Variants in EOMES observed in about 807,000 individuals in gnomAD.
EOMES encodes the protein eomesodermin homolog.
Under a neutral mutation model 61.0 loss-of-function variants are expected in EOMES, and 18 were observed. The observed-to-expected ratio is 0.30, with a 90% CI of 0.20 to 0.44. The LOEUF (loss-of-function observed/expected upper bound fraction) is 0.44, where lower values mean the gene tolerates loss of function less well. EOMES is among the 20% of genes least tolerant of loss of function. EOMES has a pLI of 1.00. For synonymous variants in EOMES, 430 were observed against 394.0 expected (o/e 1.09, Z -1.08); for missense variants, 885 against 939.2 (o/e 0.94, Z 0.75).
At position 27,720,382 on chromosome 3, in the gene EOMES, G is replaced by T. The variant is rs1008205954; in HGVS notation, c.882-57C>A. The T allele has an allele frequency of 7.3e-6, 11 of 1,510,694 alleles. No individual in the cohort carries two copies. The African/African-American group carries it at 1.5e-4, about 21-fold the overall frequency. 93.6% of individuals were successfully genotyped at this position (1,510,694 alleles called of 1,614,324 possible). On this transcript the variant is annotated intron_variant, in intron 1 of 5. Coordinates refer to ENST00000449599, the MANE Select transcript of EOMES (RefSeq NM_001278182.2). The stretch of plus-strand genomic sequence containing the variant: ...TTTTAATTGGGATGTCCTAGAACAG[G>T]CCCAGGCCCCAGCGGGTTCCCCAGA...
upstream of EOMES, chr3:27,722,688 A>G (rs1192674847): frequency 9.9e-7 from 1 of 1,012,316 alleles, no homozygotes; most frequent in African/African-American, 1.7e-5. Context: ...TTGCCAAAGC[A>G]TCGGTCAAGT....
intron 4 of EOMES, 42 bp from the exon 5 acceptor site, chr3:27,718,690 C>G (rs202235986): frequency 6.2e-7 from 1 of 1,612,960 alleles, no homozygotes; most frequent in Admixed American, 1.7e-5. Flanking sequence ...ATTTATCATG[C>G]TGGACCTTAG....
chr3:27,722,133 C>T lies in EOMES; in HGVS notation c.162G>A (p.Lys54=). 3.2e-6 allele frequency: 5 copies of T among 1,558,274 alleles called. No homozygotes were observed. The South Asian group carries it at 5.9e-5, about 18-fold the overall frequency. Reference sequence around the variant, plus strand: ...CCTCGCAGGAGAGACTGCCGGAAAACTTCTTGGACGCTTTGTCTAAGTCCA... The same window carrying T: ...CCTCGCAGGAGAGACTGCCGGAAAATTTCTTGGACGCTTTGTCTAAGTCCA... ...QKLDLDKASK[K]FSGSLSCEAV... The change falls in exon 1 of 6, where the codon AAG becomes AAA. Residue 54 remains lysine (K), a synonymous_variant. Transcript: ENST00000449599.
chr3:27,720,399 T>C (rs2060602388), intron 1 of EOMES, 74 bp from the exon 2 acceptor site: 1 of 1,278,902 alleles, frequency 7.8e-7, no homozygotes, highest in Non-Finnish European at 1.1e-6. Flanking sequence ...CCCCAGCGGG[T>C]TCCCCAGACA....
Position 27,718,850 on chromosome 3 carries a change from T to A in EOMES, c.1202A>T (p.His401Leu). 6.2e-7 allele frequency: 1 copy of A among 1,614,068 alleles called. No individual in the cohort carries two copies. Among genetic ancestry groups the A allele is most frequent in the African/African-American group, 1.3e-5 (1 of 75,046 alleles). The change falls in exon 4 of 6, where the codon CAT (histidine) becomes CTT (leucine). Residue 401 changes from histidine (H) to leucine (L), a missense_variant. Around this residue, in one of 3 missense-constraint regions of EOMES, gnomAD observed 177 missense variants for 273.3 expected, o/e 0.65. Coordinates refer to ENST00000449599, the MANE Select transcript of EOMES (RefSeq NM_001278182.2). ...QSLHKYQPRL[H>L]IVEVTEDGVE... ...GCCATCCTCTGTAACTTCAACAATA[T>A]GCAGTCGGGGTTGGTATTTGTGTAA...
chr3:27,721,883 T>A lies in EOMES; in HGVS notation c.412A>T (p.Ser138Cys), dbSNP rs1326190275. The stretch of plus-strand genomic sequence containing the variant: ...AGGTAGTACCGCTCGGAGCTCAGGC[T>A]GTCCATGGAGTAGCGCGCAGTGGCC... ...AAATARYSMD[S>C]LSSERYYLQS... The change falls in exon 1 of 6, where the codon AGC becomes TGC. Residue 138 changes from serine to cysteine, a missense_variant. By Grantham distance (112) the Ser-to-Cys change is moderately radical. This residue lies in a region of EOMES where 449 missense variants were observed against 383.6 expected (regional missense o/e 1.17). Transcript: ENST00000449599. The surrounding 1 kb of genome is among the most constrained non-coding windows in gnomAD (Gnocchi z 7.4). 2 of 1,489,052 alleles carry A rather than the reference T, an allele frequency of 1.3e-6. No individual in the cohort carries two copies. The highest frequency in any genetic ancestry group is 5.8e-5 in the East Asian group (2 of 34,356). The allele number at this position is 1,489,052 out of a possible 1,614,324, so 92.2% of individuals were successfully genotyped here.
At chr3:27,722,406 T>G, upstream of EOMES, 1 of 1,363,132 alleles carries the variant, frequency 7.3e-7, no homozygotes, top group Non-Finnish European at 9.4e-7. Context: ...AACTTCCCCT[T>G]CCTCCCGCGC....
At chr3:27,718,205 C>T (rs2060584199) in intron 5 of EOMES, among the ~76,000 whole-genome samples, 1 of 150,634 alleles carries the variant, frequency 6.6e-6, no homozygotes, top group African/African-American at 2.4e-5. Context: ...ATTACATCCT[C>T]TTAGTTTCAG....
In EOMES at chr3:27,717,831, T is replaced by TAAA. The variant is rs34777083; in HGVS notation, c.1380-26_1380-24dup. The TAAA allele has an allele frequency of 4.1e-4, 478 of 1,152,300 alleles. No individual in the cohort carries two copies. Among genetic ancestry groups the TAAA allele is most frequent in the East Asian group, 1.9e-3 (65 of 34,372 alleles). The allele number at this position is 1,152,300 out of a possible 1,614,324, so 71.4% of individuals were successfully genotyped here. A position where few individuals can be genotyped will look rare whatever the true frequency, so the allele number is the denominator to read the frequency against. On this transcript the variant is annotated intron_variant, in intron 5 of 5. Coordinates refer to ENST00000449599, the MANE Select transcript of EOMES (RefSeq NM_001278182.2). The surrounding 1 kb of genome is among the most constrained non-coding windows in gnomAD (Gnocchi z 4.5). The stretch of plus-strand genomic sequence containing the variant: ...ATGCTACAATATAAAGAGAAACACT[T>TAAA]AAAAAAAAAAAAAAACCCTAATGTT...
At chr3:27,722,566 C>T (rs556101120), upstream of EOMES, 434 of 1,261,650 alleles carry the variant, frequency 3.4e-4, no homozygotes, top group Non-Finnish European at 4.0e-4. Flanking sequence ...TTCCTCGTAC[C>T]TCTTGCTCCT....
rs746307040 is a variant in EOMES, at chr3:27,717,180, T to C, written c.2008A>G (p.Ser670Gly). Residue 670 changes from serine to glycine, a missense_variant, in exon 6 of 6, where the codon AGT (serine) becomes GGT (glycine). Ser to Gly is a moderately conservative substitution (Grantham distance 56, BLOSUM62 0). Coordinates refer to ENST00000449599, the MANE Select transcript of EOMES (RefSeq NM_001278182.2). The surrounding 1 kb of genome is among the most constrained non-coding windows in gnomAD (Gnocchi z 4.5). ...TTTATGGAGGGTGAATTTTCATTAC[T>C]GGAGTTGCTAGGAGACAGCCGCCTT... is the stretch of plus-strand genomic sequence containing the variant. ...KRRRLSPSNS[S>G]NENSPSIKCE... 6.2e-7 allele frequency: 1 copy of C among 1,613,988 alleles called. No individual in the cohort carries two copies. Among genetic ancestry groups the C allele is most frequent in the East Asian group, 2.2e-5 (1 of 44,880 alleles).
Position 27,718,630 on chromosome 3 carries a change from C to G in EOMES, c.1336G>C (p.Asp446His). The part of the protein sequence containing the change: ...QNTDITQLKI[D>H]HNPFAKGFRD... ...AAGCCTTTTGCAAAGGGGTTATGAT[C>G]AATCTTTAGTTGAGTAATCTAGATA... The change falls in exon 5 of 6, where the codon GAT (aspartate) becomes CAT (histidine). Residue 446 changes from aspartate (D) to histidine (H), a missense_variant. By Grantham distance (81) the Asp-to-His change is moderately conservative. Around this residue, in one of 3 missense-constraint regions of EOMES, gnomAD observed 177 missense variants for 273.3 expected, o/e 0.65. Transcript: ENST00000449599. The G allele has an allele frequency of 6.2e-7, 1 of 1,613,752 alleles. No individual in the cohort carries two copies. The highest frequency in any genetic ancestry group is 1.1e-5 in the South Asian group (1 of 91,060).
intron 3 of EOMES, 148 bp downstream of exon 3, chr3:27,719,212 T>A: frequency 1.2e-6 from 1 of 830,694 alleles, no homozygotes; most frequent in Non-Finnish European, 1.9e-6. Flanking sequence ...ATGAGAAAGG[T>A]CAAAAGAACA....
rs753423388 is a variant in EOMES, at chr3:27,717,919, T to A, written c.1380-111A>T. The A allele has an allele frequency of 2.6e-5, 20 of 778,734 alleles. No individual in the cohort carries two copies. Among genetic ancestry groups the A allele is most frequent in the African/African-American group, 3.5e-5 (2 of 57,054 alleles). The allele number at this position is 778,734 out of a possible 1,614,324, so 48.2% of individuals were successfully genotyped here. ...TTGTGTTGGTTATCTACACCGAAAG[T>A]GCTGGTCTGTTGGGCTGAAAGAACA... is the stretch of plus-strand genomic sequence containing the variant. On this transcript the variant is annotated intron_variant, in intron 5 of 5. Coordinates refer to ENST00000449599, the MANE Select transcript of EOMES (RefSeq NM_001278182.2). This position sits in a 1 kb window ranked among gnomAD's most constrained non-coding sequence, Gnocchi z 4.5.
At chr3:27,718,969 T>G in intron 3 of EOMES, 76 bp from the exon 4 acceptor site, 1 of 1,163,328 alleles carries the variant, frequency 8.6e-7, no homozygotes, top group Admixed American at 2.4e-5. Context: ...TTTTGACAAA[T>G]TATGTATTTT....
intron 2 of EOMES, 38 bp downstream of exon 2, chr3:27,720,133 G>A (rs774459048): frequency 3.3e-6 from 5 of 1,518,380 alleles, no homozygotes; most frequent in African/African-American, 1.4e-5. Flanking sequence ...ATTTCTTCCC[G>A]CCCGTTCCTC....
chr3:27,722,435 G>T, upstream of EOMES: 1 of 1,368,950 alleles, frequency 7.3e-7, no homozygotes, highest in Non-Finnish European at 9.4e-7. Flanking sequence ...CCCACCTGCC[G>T]ACTCGCGGGC....
At chr3:27,718,050 T>C (rs926505644) in intron 5 of EOMES, among the ~76,000 whole-genome samples, 1 of 152,094 alleles carries the variant, frequency 6.6e-6, no homozygotes, top group Non-Finnish European at 1.5e-5. Flanking sequence ...GTATTTAAAC[T>C]ATAGAAAATC....
chr3:27,718,538 T>C (rs2060586369), intron 5 of EOMES, 49 bp downstream of exon 5: 1 of 1,235,508 alleles, frequency 8.1e-7, no homozygotes, highest in Non-Finnish European at 1.2e-6. Flanking sequence ...TGTTGATGTA[T>C]GTCCTGCTCA....
Sources: gnomAD v4.1 joint callset for allele counts (sites outside exome capture counted in the v4.1 genomes callset) on GRCh38, gnomAD v4.1.1 for gene constraint, gnomAD v4.1.1 regional missense constraint, Gnocchi (gnomAD v3.1) non-coding constraint, MANE v1.5 for transcripts, NCBI Gene and HGNC (gene_info 2026-07-23, HGNC 2026-07-21) for gene names.